NDST1: variants seen among roughly 807,000 people sequenced by gnomAD.
NDST1 encodes the protein N-deacetylase and N-sulfotransferase 1, also known as bifunctional heparan sulfate N-deacetylase/N-sulfotransferase 1.
NDST1 carries 35 observed loss-of-function variants against 92.8 expected under a neutral mutation model. That is an observed-to-expected ratio of 0.38 (90% CI 0.29 to 0.50). NDST1 has a LOEUF of 0.50. NDST1 is among the 20% of genes least tolerant of loss of function. NDST1 has a pLI of 0.94. For synonymous variants in NDST1, 493 were observed against 500.3 expected, an observed-to-expected ratio of 0.99 and a Z score of 0.19; for missense variants, 822 against 1,182.7, an observed-to-expected ratio of 0.69 and a Z score of 4.47.
chr5:150,508,214 G>T lies in NDST1; in HGVS notation c.-400G>T, dbSNP rs2151247201. 1 of 152,768 alleles carries T rather than the reference G, an allele frequency of 6.5e-6. No homozygotes were observed. Among genetic ancestry groups the T allele is most frequent in the East Asian group, 1.9e-4 (1 of 5,204 alleles). 9.5% of individuals were successfully genotyped at this position (152,768 alleles called of 1,614,324 possible). A position where few individuals can be genotyped will look rare whatever the true frequency, so the allele number is the denominator to read the frequency against. On this transcript the variant is annotated 5_prime_UTR_variant, in exon 1 of 15. Coordinates refer to ENST00000261797, the MANE Select transcript of NDST1 (RefSeq NM_001543.5). ...AAGTGAAGAGGAACCTCACGCCACT[G>T]CCTGGAGCTCCGGTGGGTCTGGGTC...
chr5:150,547,777 C>T (rs1388183178), intron 11 of NDST1, among the ~76,000 whole-genome samples: 1 of 152,226 alleles, frequency 6.6e-6, no homozygotes, highest in African/African-American at 2.4e-5. Context: ...CCTCCACCCC[C>T]CGAGTTTAAG....
rs1193431098 is a variant in NDST1, at chr5:150,540,186, G to A, written c.1671G>A (p.Arg557=). The A allele has an allele frequency of 1.9e-6, 3 of 1,614,090 alleles. No individual in the cohort carries two copies. The highest frequency in any genetic ancestry group is 2.5e-6 in the Non-Finnish European group (3 of 1,180,036). ...VRFLHSWTNL[R]LQTLPPVQLA... ...TCCTGCACTCCTGGACGAACCTCCG[G>A]CTGCAGACACTGCCCCCTGTGCAGT... is the stretch of plus-strand genomic sequence containing the variant. Residue 557 remains arginine (R), a synonymous_variant, in exon 8 of 15, where the codon CGG becomes CGA. Transcript: ENST00000261797.
intron 11 of NDST1, among the ~76,000 whole-genome samples, chr5:150,547,565 G>A (rs1755542521): frequency 6.6e-6 from 1 of 152,218 alleles, no homozygotes; most frequent in Non-Finnish European, 1.5e-5. Context: ...CCATAAAGGA[G>A]AAATGCTCAC....
At chr5:150,526,027 C>T (rs755222800) in intron 2 of NDST1, among the ~76,000 whole-genome samples, 2 of 152,350 alleles carry the variant, frequency 1.3e-5, no homozygotes, top group South Asian at 4.1e-4. Context: ...CTCCTCCTTT[C>T]CCTCTTGGTC....
rs781199624 is a variant in NDST1 at position 150,540,067 on chromosome 5, C to G, written c.1567-15C>G. On this transcript the variant is annotated splice_polypyrimidine_tract_variant and intron_variant, in intron 7 of 14. Coordinates refer to ENST00000261797, the MANE Select transcript of NDST1 (RefSeq NM_001543.5). Reference sequence around the variant, plus strand: ...CTGATGGGCCCTGCCTCTCTCCTCCCCTCCCCTGGAGCAGATCAGCATCTT... The same window carrying G: ...CTGATGGGCCCTGCCTCTCTCCTCCGCTCCCCTGGAGCAGATCAGCATCTT... 3 of 1,614,160 alleles carry G rather than the reference C, an allele frequency of 1.9e-6. No homozygotes were observed. In the South Asian group the frequency reaches 3.3e-5, roughly 18 times the overall value.
intron 1 of NDST1, among the ~76,000 whole-genome samples, chr5:150,499,685 G>A (rs572164138): frequency 6.6e-6 from 1 of 152,234 alleles, no homozygotes; most frequent in South Asian, 2.1e-4. Flanking sequence ...TGTGACCCTC[G>A]AATCCTCCCC....
In NDST1 at chr5:150,528,636, C is replaced by CA. The variant is rs1423803422; in HGVS notation, c.1008+347dup. On this transcript the variant is annotated intron_variant, in intron 3 of 14. Transcript: ENST00000261797. ...CGAAACCCCATCTCTACTAAAAATA[C>CA]AAAAAAAAATTAGCCAGGTGTGGTG... Among the ~76,000 whole-genome samples the CA allele has an allele frequency of 5.3e-5, 8 of 150,608 alleles. No individual in the cohort carries two copies. In the South Asian group the frequency reaches 8.5e-4, roughly 16 times the overall value.
intron 5 of NDST1, chr5:150,535,421 A>T (rs544583058): frequency 1.0e-6 from 1 of 980,524 alleles, no homozygotes; most frequent in Admixed American, 6.1e-5. Flanking sequence ...CTTGTCCCTC[A>T]CTACAGGGTA....
intron 3 of NDST1, among the ~76,000 whole-genome samples, chr5:150,530,105 C>G (rs1467521603): frequency 6.6e-6 from 1 of 152,142 alleles, no homozygotes; most frequent in Non-Finnish European, 1.5e-5. Context: ...AGGCTATTTC[C>G]TGGTGCCCAG....
intron 3 of NDST1, 72 bp from the exon 4 acceptor site, chr5:150,532,873 C>A: frequency 7.3e-7 from 1 of 1,366,352 alleles, no homozygotes; most frequent in Non-Finnish European, 1.0e-6. Flanking sequence ...CGTTTTTTCA[C>A]TGCCCTCAGT....
upstream of NDST1, among the ~76,000 whole-genome samples, chr5:150,506,284 AT>A (rs35384369): frequency 6.6e-6 from 1 of 151,220 alleles, no homozygotes; most frequent in Non-Finnish European, 1.5e-5. Flanking sequence ...AATTTTTGTA[AT>A]TTTTTTTTGT....
intron 1 of NDST1, among the ~76,000 whole-genome samples, chr5:150,516,976 AGTGTGTGTGTGTGTGTGT>A (rs56170880): frequency 3.5e-4 from 50 of 143,760 alleles, no homozygotes; most frequent in East Asian, 1.2e-3. Flanking sequence ...GACATTTTCT[AGTGTGTGTGTGTGTGTGT>A]GTGTGTGTGT....
chr5:150,539,975 A>C (rs1755171622), intron 7 of NDST1, 107 bp from the exon 8 acceptor site: 2 of 1,438,578 alleles, frequency 1.4e-6, no homozygotes, highest in Non-Finnish European at 1.9e-6. Context: ...TCCACTGGTC[A>C]TCAGGAGCCT....
upstream of NDST1, among the ~76,000 whole-genome samples, chr5:150,504,921 C>T (rs1335431377): frequency 3.9e-5 from 6 of 152,226 alleles, no homozygotes; most frequent in East Asian, 1.2e-3. Context: ...GACTGGGAGG[C>T]AGAGGATGTG....
At chr5:150,519,651 G>A (rs1309430258) in intron 1 of NDST1, among the ~76,000 whole-genome samples, 1 of 151,746 alleles carries the variant, frequency 6.6e-6, no homozygotes, top group African/African-American at 2.4e-5. Context: ...TTGCACCATT[G>A]TCTAGCCTGG....
intron 3 of NDST1, 80 bp downstream of exon 3, chr5:150,528,378 G>T: frequency 6.8e-7 from 1 of 1,473,414 alleles, no homozygotes; most frequent in Non-Finnish European, 9.1e-7. Context: ...TCGTGGGTGT[G>T]CCCTGTCTGC....
rs149415017 is a variant in NDST1 at position 150,543,018 on chromosome 5, G to A, written c.1970+47G>A. On this transcript the variant is annotated intron_variant, in intron 10 of 14. Coordinates refer to ENST00000261797, the MANE Select transcript of NDST1 (RefSeq NM_001543.5). ...CAGCGGGACGGGAAGGCCATCCTGG[G>A]GCCTCCCAGGAGTCTGCTGTGGCCA... 1.4e-4 allele frequency: 221 copies of A among 1,612,254 alleles called. No homozygotes were observed. In the African/African-American group the frequency reaches 2.4e-3, roughly 18 times the overall value.
intron 1 of NDST1, among the ~76,000 whole-genome samples, chr5:150,499,690 C>T (rs1753148258): frequency 1.3e-5 from 2 of 152,194 alleles, no homozygotes; most frequent in Non-Finnish European, 2.9e-5. Flanking sequence ...CCCTCGAATC[C>T]TCCCCCAAGA....
intron 1 of NDST1, among the ~76,000 whole-genome samples, chr5:150,498,524 G>T (rs929310597): frequency 6.6e-6 from 1 of 152,180 alleles, no homozygotes; most frequent in Admixed American, 6.5e-5. Flanking sequence ...GAGAGCAGGG[G>T]TGGGCAGGGG....
Sources: gnomAD v4.1 joint callset for allele counts (sites outside exome capture counted in the v4.1 genomes callset) on GRCh38, gnomAD v4.1.1 for gene constraint, MANE v1.5 for transcripts, NCBI Gene and HGNC (gene_info 2026-07-23, HGNC 2026-07-21) for gene names.